Variants in AKAP11 observed in about 807,000 individuals in gnomAD.
AKAP11 encodes A-kinase anchor protein 11.
AKAP11 carries 36 observed loss-of-function variants against 146.1 expected under a neutral mutation model. That is an observed-to-expected ratio of 0.25 (90% CI 0.19 to 0.33). AKAP11 has a LOEUF of 0.33. Ranked by LOEUF, AKAP11 falls within the 10% of genes least tolerant of loss-of-function variation. The pLI, the probability that AKAP11 is intolerant of heterozygous loss-of-function variation, is 1.00. For missense variants in AKAP11, 2,201 were observed against 2,197.0 expected (o/e 1.00, Z -0.04); for synonymous variants, 780 against 786.5 (o/e 0.99, Z 0.14).
intron 9 of AKAP11, among the ~76,000 whole-genome samples, chr13:42,309,928 A>G (rs1462809428): frequency 1.3e-5 from 2 of 152,158 alleles, no homozygotes; most frequent in Admixed American, 6.5e-5. Context: ...TGTGCTGAAT[A>G]TTATCTAATT....
At chr13:42,310,365 T>C (rs1452965224) in intron 9 of AKAP11, among the ~76,000 whole-genome samples, 1 of 152,136 alleles carries the variant, frequency 6.6e-6, no homozygotes, top group Non-Finnish European at 1.5e-5. Flanking sequence ...CCTCCAGAGA[T>C]GAAGATTTAT....
At chr13:42,312,899 T>C in intron 9 of AKAP11, 148 bp from the exon 10 acceptor site, 1 of 652,176 alleles carries the variant, frequency 1.5e-6, no homozygotes, top group Non-Finnish European at 2.6e-6. Context: ...ATAGGAGTGA[T>C]GGTCAATCTC....
chr13:42,297,109 T>A lies in AKAP11; in HGVS notation c.278T>A (p.Leu93Gln), dbSNP rs1268842941. ...DILNSLHFCS[L>Q]NENEIICMKN... ...CTGAATTCACTCCACTTCTGCAGTC[T>A]AAATGAAAATGAAATTATTTGTATG... The change falls in exon 6 of 13, where the codon CTA becomes CAA. Residue 93 changes from leucine to glutamine, a missense_variant. By Grantham distance (113) the Leu-to-Gln change is moderately radical. Around this residue, in one of 3 missense-constraint regions of AKAP11, gnomAD observed 331 missense variants for 347.4 expected, o/e 0.95. Transcript: ENST00000025301. The A allele has an allele frequency of 1.1e-5, 18 of 1,588,762 alleles. No homozygotes were observed. Among genetic ancestry groups the A allele is most frequent in the Non-Finnish European group, 1.5e-5 (18 of 1,167,898 alleles).
Position 42,301,100 on chromosome 13 carries a change from C to G in AKAP11, c.2354C>G (p.Ala785Gly). The G allele has an allele frequency of 6.2e-7, 1 of 1,614,082 alleles. No individual in the cohort carries two copies. The highest frequency in any genetic ancestry group is 1.3e-5 in the African/African-American group (1 of 75,038). Residue 785 changes from alanine to glycine, a missense_variant, in exon 8 of 13, where the codon GCA (alanine) becomes GGA (glycine). By Grantham distance (60) the Ala-to-Gly change is moderately conservative. Coordinates refer to ENST00000025301, the MANE Select transcript of AKAP11 (RefSeq NM_016248.4). ...GIVTSIPVPLAGSALLPYHIS... is the reference protein window; with the variant it reads ...GIVTSIPVPLGGSALLPYHIS... ...GTTACTTCTATACCGGTGCCCTTGGCAGGAAGTGCCCTTCTCCCATATCAT... is the reference window on the plus strand; with the variant it reads ...GTTACTTCTATACCGGTGCCCTTGGGAGGAAGTGCCCTTCTCCCATATCAT...
chr13:42,307,474 AT>A (rs1960321317), intron 8 of AKAP11, among the ~76,000 whole-genome samples: 1 of 152,132 alleles, frequency 6.6e-6, no homozygotes. Flanking sequence ...GGCGGTGGCC[AT>A]TAGGGCTGGT....
In AKAP11 at chr13:42,301,614, A is replaced by G. The variant is rs1055413301; in HGVS notation, c.2868A>G (p.Ser956=). The change falls in exon 8 of 13, where the codon TCA becomes TCG. Residue 956 remains serine (S), a synonymous_variant. Transcript: ENST00000025301. ...AACATTCCATAGATAAGAGCAAATCAGTGATCCCAAATATAGATAAAAATG... is the reference window on the plus strand; with the variant it reads ...AACATTCCATAGATAAGAGCAAATCGGTGATCCCAAATATAGATAAAAATG... ...IIKHSIDKSK[S]VIPNIDKNAV... The G allele has an allele frequency of 1.2e-6, 2 of 1,614,136 alleles. No homozygotes were observed. The highest frequency in any genetic ancestry group is 1.3e-5 in the African/African-American group (1 of 75,070).
intron 3 of AKAP11, among the ~76,000 whole-genome samples, chr13:42,289,686 T>G (rs1047629124): frequency 6.6e-6 from 1 of 152,160 alleles, no homozygotes; most frequent in East Asian, 1.9e-4. Flanking sequence ...CTGAATAGTA[T>G]TTAAAACCCA....
intron 3 of AKAP11, among the ~76,000 whole-genome samples, chr13:42,287,754 A>T (rs1486452473): frequency 1.3e-5 from 2 of 152,220 alleles, no homozygotes; most frequent in African/African-American, 4.8e-5. Flanking sequence ...CTAGACCCAT[A>T]GCTTTAAATT....
rs1018346550 is a variant in AKAP11 at position 42,308,536 on chromosome 13, G to C, written c.5200G>C (p.Gly1734Arg). ...MNLSIGDDST[G>R]SWSNLSFEDE... ...CCTCAGTATTGGTGATGACAGCACT[G>C]GTAGCTGGTCCAATTTAAGTTTTGA... Residue 1734 changes from glycine (G) to arginine (R), a missense_variant, in exon 9 of 13, where the codon GGT becomes CGT. Physicochemically the swap from Gly to Arg is moderately radical, Grantham distance 125. This residue lies in a region of AKAP11 where 1,867 missense variants were observed against 1,833.5 expected (regional missense o/e 1.02). Transcript: ENST00000025301. The C allele has an allele frequency of 6.2e-7, 1 of 1,613,212 alleles. No individual in the cohort carries two copies. The highest frequency in any genetic ancestry group is 8.5e-7 in the Non-Finnish European group (1 of 1,179,508).
At chr13:42,317,464 C>T (rs1307537422) in intron 11 of AKAP11, 64 bp from the exon 12 acceptor site, 1 of 1,467,500 alleles carries the variant, frequency 6.8e-7, no homozygotes, top group Non-Finnish European at 9.2e-7. Context: ...ATCTACTTGA[C>T]AACCAGAGTA....
intron 8 of AKAP11, 69 bp downstream of exon 8, chr13:42,303,932 G>A: frequency 6.8e-7 from 1 of 1,473,850 alleles, no homozygotes; most frequent in Non-Finnish European, 9.0e-7. Context: ...ATATGTCTTA[G>A]GTCCTGTTCA....
In AKAP11 at chr13:42,286,160, T is replaced by TG. The variant is rs368488446; in HGVS notation, c.-49-132dup. On this transcript the variant is annotated intron_variant, in intron 2 of 12. Coordinates refer to ENST00000025301, the MANE Select transcript of AKAP11 (RefSeq NM_016248.4). ...TATTCTTGCTGGATTGCAAGTAAATTGGGGGGGGTGCTCAGATTATTTTTG... is the reference window on the plus strand; with the variant it reads ...TATTCTTGCTGGATTGCAAGTAAATTGGGGGGGGGTGCTCAGATTATTTTTG... 7.9e-3 allele frequency: 3,059 copies of TG among 388,878 alleles called. 70 individuals are homozygous for TG. The highest frequency in any genetic ancestry group is 0.056 in the African/African-American group (2,669 of 47,698). 24.1% of individuals were successfully genotyped at this position (388,878 alleles called of 1,614,324 possible). A position where few individuals can be genotyped will look rare whatever the true frequency, so the allele number is the denominator to read the frequency against.
At chr13:42,278,118 T>C (rs922715318) in intron 1 of AKAP11, among the ~76,000 whole-genome samples, 2 of 152,160 alleles carry the variant, frequency 1.3e-5, no homozygotes, top group Non-Finnish European at 2.9e-5. Flanking sequence ...CAAAGACTTA[T>C]CTGACCCAAA....
intron 1 of AKAP11, among the ~76,000 whole-genome samples, chr13:42,277,772 T>C (rs990733961): frequency 3.3e-5 from 5 of 152,112 alleles, no homozygotes; most frequent in Admixed American, 2.0e-4. Flanking sequence ...GTAAGGCCTT[T>C]GGGGAATGCA....
intron 3 of AKAP11, among the ~76,000 whole-genome samples, chr13:42,290,987 G>A (rs1403637446): frequency 6.6e-6 from 1 of 152,172 alleles, no homozygotes; most frequent in African/African-American, 2.4e-5. Flanking sequence ...TGGAAAAAAG[G>A]TAGTACATGT....
Position 42,297,105 on chromosome 13 carries a change from A to G in AKAP11, c.274A>G (p.Ser92Gly). The change falls in exon 6 of 13, where the codon AGT (serine) becomes GGT (glycine). Residue 92 changes from serine (S) to glycine (G), a missense_variant. By Grantham distance (56) the Ser-to-Gly change is moderately conservative (BLOSUM62 0). This residue lies in a region of AKAP11 where 331 missense variants were observed against 347.4 expected (regional missense o/e 0.95). Transcript: ENST00000025301. ...PDILNSLHFC[S>G]LNENEIICMK... ...TATTCTGAATTCACTCCACTTCTGCAGTCTAAATGAAAATGAAATTATTTG... is the reference window on the plus strand; with the variant it reads ...TATTCTGAATTCACTCCACTTCTGCGGTCTAAATGAAAATGAAATTATTTG... 6.3e-7 allele frequency: 1 copy of G among 1,589,936 alleles called. No homozygotes were observed. Among genetic ancestry groups the G allele is most frequent in the Non-Finnish European group, 8.6e-7 (1 of 1,168,784 alleles).
intron 1 of AKAP11, among the ~76,000 whole-genome samples, chr13:42,281,397 T>C (rs990061124): frequency 1.3e-5 from 2 of 152,146 alleles, no homozygotes; most frequent in Non-Finnish European, 2.9e-5. Context: ...GTACAGGTAC[T>C]GAGGTTTGAG....
intron 1 of AKAP11, among the ~76,000 whole-genome samples, chr13:42,276,603 C>T (rs1221252754): frequency 1.3e-5 from 2 of 152,202 alleles, no homozygotes; most frequent in African/African-American, 4.8e-5. Context: ...TTCTAATTTG[C>T]AAAGCCTTCT....
chr13:42,294,560 G>C (rs552378110), intron 4 of AKAP11, among the ~76,000 whole-genome samples: 1 of 151,896 alleles, frequency 6.6e-6, no homozygotes, highest in East Asian at 1.9e-4. Context: ...GCACCACCAT[G>C]CCTGGCTAAT....
Sources: gnomAD v4.1 joint callset for allele counts (sites outside exome capture counted in the v4.1 genomes callset) on GRCh38, gnomAD v4.1.1 for gene constraint, gnomAD v4.1.1 regional missense constraint, MANE v1.5 for transcripts, NCBI Gene and HGNC (gene_info 2026-07-23, HGNC 2026-07-21) for gene names.